GABRG3: variants seen among roughly 807,000 people sequenced by gnomAD.
The protein encoded by GABRG3 is gamma-aminobutyric acid receptor subunit gamma-3.
Under a neutral mutation model 48.8 loss-of-function variants are expected in GABRG3, and 25 were observed. The ratio of observed to expected loss-of-function variants is 0.51; its 90% CI spans 0.37 to 0.72. GABRG3 has a LOEUF of 0.72. Ranked by LOEUF, GABRG3 falls within the 30% of genes least tolerant of loss-of-function variation. The probability of loss-of-function intolerance (pLI) is 0.00; values close to 1 mark genes in which losing one functional copy is unlikely to be tolerated. For synonymous variants in GABRG3, 227 were observed against 217.6 expected (o/e 1.04, Z -0.38); for missense variants, 394 against 577.9 (o/e 0.68, Z 3.26).
In GABRG3 at chr15:27,429,867, A is replaced by T. The variant is rs913796026; in HGVS notation, c.575-50783A>T. 3.3e-5 allele frequency among the ~76,000 whole-genome samples: 5 copies of T among 152,222 alleles called. No individual in the cohort carries two copies. The South Asian group carries it at 1.0e-3, about 31-fold the overall frequency. ...GTTTTTACATTTTGGTCCTATAAAT[A>T]ATGTTGCTGTGAAAATTCATGTGCA... On this transcript the variant is annotated intron_variant, in intron 5 of 9. Coordinates refer to ENST00000615808, the MANE Select transcript of GABRG3 (RefSeq NM_033223.5).
chr15:26,974,523 G>GA lies in GABRG3; in HGVS notation c.54-2478dup, dbSNP rs1388427418. Among the ~76,000 whole-genome samples the GA allele has an allele frequency of 6.6e-6, 1 of 151,964 alleles. No individual in the cohort carries two copies. Among genetic ancestry groups the GA allele is most frequent in the African/African-American group, 2.4e-5 (1 of 41,392 alleles). ...GGGGTAGGAGAGGGGAGGAGAACGG[G>GA]AGGGGAGGGGAAGAAGAGTGAGGCA... is the stretch of plus-strand genomic sequence containing the variant. On this transcript the variant is annotated intron_variant, in intron 1 of 9. Coordinates refer to ENST00000615808, the MANE Select transcript of GABRG3 (RefSeq NM_033223.5). This position sits in a 1 kb window ranked among gnomAD's most constrained non-coding sequence, Gnocchi z 4.3.
Position 27,217,823 on chromosome 15 carries a change from G to T in GABRG3, c.271-108986G>T, listed in dbSNP as rs145564841. Among the ~76,000 whole-genome samples, 136 of 152,302 alleles carry T rather than the reference G, an allele frequency of 8.9e-4. 1 individual carries two copies. Among genetic ancestry groups the T allele is most frequent in the Non-Finnish European group, 1.5e-3 (101 of 68,018 alleles). The stretch of plus-strand genomic sequence containing the variant: ...AAGGTCACGTGTGGGCACACCCTGA[G>T]GTTAGACACAGGCCAAGTCGCCACA... On this transcript the variant is annotated intron_variant, in intron 3 of 9. Transcript: ENST00000615808.
chr15:27,326,077 T>G (rs1893603035), intron 3 of GABRG3, among the ~76,000 whole-genome samples: 1 of 152,108 alleles, frequency 6.6e-6, no homozygotes, highest in Non-Finnish European at 1.5e-5. Context: ...GCCCCTAGGA[T>G]AGAATCAGTC....
intron 3 of GABRG3, among the ~76,000 whole-genome samples, chr15:27,303,305 G>A (rs1892275746): frequency 6.6e-6 from 1 of 150,950 alleles, no homozygotes; most frequent in Admixed American, 6.6e-5. Flanking sequence ...GGATAATAAG[G>A]GAGTACTAGA....
At position 27,000,609 on chromosome 15, in the gene GABRG3, G is replaced by T. The variant is rs553016125; in HGVS notation, c.202+23459G>T. ...TAGTGAGTGTGTTCTCATGTGATCC[G>T]GTTGTTTACCAGTGTGTATCGCCTC... On this transcript the variant is annotated intron_variant, in intron 2 of 9. Transcript: ENST00000615808. 5.9e-5 allele frequency among the ~76,000 whole-genome samples: 9 copies of T among 152,178 alleles called. No individual in the cohort carries two copies. In the South Asian group the frequency reaches 1.2e-3, roughly 21 times the overall value.
At chr15:27,322,043 A>G (rs1262898489) in intron 3 of GABRG3, among the ~76,000 whole-genome samples, 1 of 152,270 alleles carries the variant, frequency 6.6e-6, no homozygotes, top group Non-Finnish European at 1.5e-5. Context: ...TTAATTTCAT[A>G]GCATTAAGGA....
chr15:27,193,449 G>T lies in GABRG3; in HGVS notation c.271-133360G>T, dbSNP rs1888395392. Among the ~76,000 whole-genome samples, 4 of 152,036 alleles carry T rather than the reference G, an allele frequency of 2.6e-5. 1 individual carries two copies. The highest frequency in any genetic ancestry group is 9.6e-5 in the African/African-American group (4 of 41,562). The stretch of plus-strand genomic sequence containing the variant: ...CGGGCGCCCCTCCCCCAGCCTCACT[G>T]CCGCCTTGCAGTTTGATCTCAGACT... On this transcript the variant is annotated intron_variant, in intron 3 of 9. Transcript: ENST00000615808.
chr15:27,163,333 G>C (rs1887261273), intron 3 of GABRG3, among the ~76,000 whole-genome samples: 2 of 152,072 alleles, frequency 1.3e-5, no homozygotes, highest in Non-Finnish European at 2.9e-5. Context: ...AGCCTCCCAA[G>C]TAGCTAGGAC....
intron 3 of GABRG3, among the ~76,000 whole-genome samples, chr15:27,284,132 T>C (rs1011687450): frequency 1.3e-5 from 2 of 152,196 alleles, no homozygotes; most frequent in Non-Finnish European, 2.9e-5. Flanking sequence ...AGACTTATAT[T>C]AGACTTCAAC....
chr15:27,030,717 A>G (rs953913854), intron 3 of GABRG3, among the ~76,000 whole-genome samples: 5 of 152,052 alleles, frequency 3.3e-5, no homozygotes, highest in African/African-American at 1.2e-4. Context: ...ATTGACCCCA[A>G]ATCCTTTAAT....
intron 3 of GABRG3, among the ~76,000 whole-genome samples, chr15:27,029,911 C>T (rs1466659655): frequency 1.3e-5 from 2 of 152,184 alleles, no homozygotes; most frequent in African/African-American, 2.4e-5. Context: ...ATAAGGGCAT[C>T]TCACATTGCC....
intron 5 of GABRG3, among the ~76,000 whole-genome samples, chr15:27,333,826 C>T (rs1330993807): frequency 6.6e-6 from 1 of 152,164 alleles, no homozygotes; most frequent in Non-Finnish European, 1.5e-5. Context: ...AAGGAAAAAT[C>T]ATTCCCCAGT....
At chr15:27,315,359 C>T (rs991766781) in intron 3 of GABRG3, among the ~76,000 whole-genome samples, 4 of 152,162 alleles carry the variant, frequency 2.6e-5, no homozygotes, top group Non-Finnish European at 5.9e-5. Context: ...GAAGCCAGAA[C>T]TCTCTTGAGT....
At chr15:27,264,449 A>G (rs920444138) in intron 3 of GABRG3, among the ~76,000 whole-genome samples, 3 of 152,052 alleles carry the variant, frequency 2.0e-5, no homozygotes, top group Non-Finnish European at 2.9e-5. Context: ...TAATGTCCCT[A>G]CATTTAAAAC....
chr15:27,218,147 C>T (rs1160361932), intron 3 of GABRG3, among the ~76,000 whole-genome samples: 2 of 152,076 alleles, frequency 1.3e-5, no homozygotes, highest in African/African-American at 4.8e-5. Flanking sequence ...GCAGCTGGGA[C>T]TACCTACAGA....
chr15:27,230,959 TAATTGTTAAAC>T (rs1889776466), intron 3 of GABRG3, among the ~76,000 whole-genome samples: 1 of 152,034 alleles, frequency 6.6e-6, no homozygotes, highest in Non-Finnish European at 1.5e-5. Flanking sequence ...ATAGTGAATG[TAATTGTTAAAC>T]TATATTTTAA....
intron 3 of GABRG3, among the ~76,000 whole-genome samples, chr15:27,264,001 C>A (rs562463566): frequency 6.6e-6 from 1 of 151,776 alleles, no homozygotes; most frequent in African/African-American, 2.4e-5. Context: ...GAACATATAC[C>A]GGGGAGACGT....
chr15:27,007,761 T>C (rs1440140930), intron 2 of GABRG3, among the ~76,000 whole-genome samples: 1 of 152,174 alleles, frequency 6.6e-6, no homozygotes, highest in East Asian at 1.9e-4. Context: ...GGGTTTTTTG[T>C]TTTTTGCTTG....
intron 5 of GABRG3, among the ~76,000 whole-genome samples, chr15:27,462,960 T>A (rs1312603785): frequency 6.6e-6 from 1 of 152,148 alleles, no homozygotes; most frequent in Non-Finnish European, 1.5e-5. Context: ...ATCAGGAACG[T>A]TGTCTCTGCT....
Sources: allele counts gnomAD v4.1 joint callset (sites outside exome capture counted in the v4.1 genomes callset), GRCh38; gene constraint gnomAD v4.1.1; non-coding constraint Gnocchi (gnomAD v3.1); transcripts MANE v1.5; gene names NCBI Gene and HGNC (gene_info 2026-07-23, HGNC 2026-07-21).